Variants in GGT7 observed in about 807,000 individuals in gnomAD.
GGT7 encodes the protein gamma-glutamyltransferase 7, also known as glutathione hydrolase 7.
GGT7 carries 30 observed loss-of-function variants against 69.2 expected under a neutral mutation model. That is an observed-to-expected ratio of 0.43 (90% CI 0.32 to 0.59). The LOEUF (loss-of-function observed/expected upper bound fraction) is 0.59, where lower values mean the gene tolerates loss of function less well. Ranked by LOEUF, GGT7 falls within the 20% of genes least tolerant of loss-of-function variation. The pLI is 0.05. For missense variants in GGT7, 733 were observed against 901.1 expected (o/e 0.81, Z 2.39); for synonymous variants, 388 against 391.8 (o/e 0.99, Z 0.12).
chr20:34,854,965 G>A (rs1466403552), intron 8 of GGT7, 42 bp from the exon 9 acceptor site: 1 of 1,602,908 alleles, frequency 6.2e-7, no homozygotes, highest in South Asian at 1.1e-5. Flanking sequence ...TAGGGGTCAA[G>A]GCACCTTCAC....
At chr20:34,859,772 C>A (rs552536021) in intron 6 of GGT7, 133 bp from the exon 7 acceptor site, 41 of 844,444 alleles carry the variant, frequency 4.9e-5, no homozygotes, top group South Asian at 3.4e-5. Context: ...CTGTTAAGTG[C>A]GAGGCAGGGA....
At chr20:34,845,764 T>C (rs1472127401) in intron 14 of GGT7, among the ~76,000 whole-genome samples, 3 of 152,134 alleles carry the variant, frequency 2.0e-5, no homozygotes, top group South Asian at 4.1e-4. Context: ...ATTCTTAATA[T>C]TGAAAACAGG....
At chr20:34,858,972 A>G (rs559529063) in intron 7 of GGT7, among the ~76,000 whole-genome samples, 1 of 152,310 alleles carries the variant, frequency 6.6e-6, no homozygotes, top group East Asian at 1.9e-4. Context: ...GGAGTTCGAG[A>G]CCAGCCTGGC....
chr20:34,872,452 G>C, intron 1 of GGT7, 195 bp downstream of exon 1: 1 of 427,488 alleles, frequency 2.3e-6, no homozygotes, highest in African/African-American at 2.0e-5. Flanking sequence ...CTCCGTTGTC[G>C]CATCCTACGC....
At chr20:34,848,685 G>A (rs1287340438) in intron 14 of GGT7, among the ~76,000 whole-genome samples, 2 of 152,174 alleles carry the variant, frequency 1.3e-5, no homozygotes, top group African/African-American at 4.8e-5. Flanking sequence ...GTAAAGAATA[G>A]AGTCTTTGGT....
At chr20:34,862,792 C>G (rs778578536) in intron 3 of GGT7, 22 bp downstream of exon 3, 1 of 1,613,392 alleles carries the variant, frequency 6.2e-7, no homozygotes, top group Non-Finnish European at 8.5e-7. Flanking sequence ...CCTGGGGGAC[C>G]CCGACCTCCA....
At chr20:34,847,604 G>C (rs1423497354) in intron 14 of GGT7, among the ~76,000 whole-genome samples, 1 of 152,168 alleles carries the variant, frequency 6.6e-6, no homozygotes, top group Non-Finnish European at 1.5e-5. Flanking sequence ...GTTTCAGTCT[G>C]CTCTCTAACG....
chr20:34,861,485 GC>G lies in GGT7; in HGVS notation c.634del (p.Ala212ProfsTer25). On this transcript the variant is annotated frameshift_variant, in exon 4 of 15. Transcript: ENST00000336431. LOFTEE classifies it high-confidence loss of function. ...LIDFRESAPG[A>X]LREETLQRSW... ...TCTTTGCAGGGTCTCTTCCCTGAGG[GC>G]CCCTGGTGCGGACTCCCGGAAATCA... The G allele has an allele frequency of 2.6e-6, 4 of 1,552,956 alleles. No homozygotes were observed. Among genetic ancestry groups the G allele is most frequent in the South Asian group, 1.2e-5 (1 of 84,384 alleles).
At chr20:34,853,706 G>T (rs1425654027) in intron 10 of GGT7, among the ~76,000 whole-genome samples, 1 of 152,136 alleles carries the variant, frequency 6.6e-6, no homozygotes, top group East Asian at 1.9e-4. Flanking sequence ...TTACATGTAT[G>T]ATTTTGTTTA....
chr20:34,850,812 A>G (rs1415309877), intron 13 of GGT7: 2 of 527,046 alleles, frequency 3.8e-6, no homozygotes, highest in South Asian at 1.4e-5. Flanking sequence ...TGGCATATAT[A>G]TCAGGTTCTC....
chr20:34,869,383 G>C (rs539849100), intron 1 of GGT7, among the ~76,000 whole-genome samples: 112 of 152,078 alleles, frequency 7.4e-4, no homozygotes, highest in African/African-American at 2.6e-3. Context: ...TGTTGCCCCG[G>C]CTGGTTCTGA....
chr20:34,861,409 C>T, intron 4 of GGT7, 36 bp downstream of exon 4: 1 of 1,023,626 alleles, frequency 9.8e-7, no homozygotes. Flanking sequence ...TGAAGAGAGA[C>T]TCCCCTGAAC....
rs141372100 is a variant in GGT7, at chr20:34,859,592, G to T, written c.865C>A (p.Arg289=). 1.2e-6 allele frequency: 2 copies of T among 1,601,384 alleles called. No individual in the cohort carries two copies. Among genetic ancestry groups the T allele is most frequent in the Non-Finnish European group, 1.7e-6 (2 of 1,174,508 alleles). ...CGGCCCGATGGCAGGAACGTCTCCC[G>T]GAAGCGCTCGGACATGTTGGGTGGC... ...QLPPNMSERF[R]ETFLPSGRPP... Residue 289 remains arginine, a synonymous_variant, in exon 7 of 15, where the codon CGG becomes AGG. Coordinates refer to ENST00000336431, the MANE Select transcript of GGT7 (RefSeq NM_178026.3).
intron 1 of GGT7, among the ~76,000 whole-genome samples, chr20:34,868,573 C>T (rs2079730560): frequency 6.6e-6 from 1 of 152,106 alleles, no homozygotes. Context: ...GATACCACTT[C>T]TCATTCAATT....
intron 1 of GGT7, among the ~76,000 whole-genome samples, chr20:34,865,585 T>C (rs2079677217): frequency 6.6e-6 from 1 of 152,234 alleles, no homozygotes; most frequent in Admixed American, 6.5e-5. Flanking sequence ...AGCTCACTAT[T>C]TGCTGGTGGC....
intron 10 of GGT7, among the ~76,000 whole-genome samples, chr20:34,854,268 C>T (rs895688635): frequency 1.3e-5 from 2 of 152,068 alleles, no homozygotes; most frequent in South Asian, 2.1e-4. Flanking sequence ...TTTTCCTACT[C>T]AAAAGGAGGA....
At chr20:34,868,564 A>C (rs1401765832) in intron 1 of GGT7, among the ~76,000 whole-genome samples, 2 of 152,124 alleles carry the variant, frequency 1.3e-5, no homozygotes, top group African/African-American at 4.8e-5. Context: ...ATCTGCTTGG[A>C]TACCACTTCT....
chr20:34,863,517 C>A lies in GGT7; in HGVS notation c.201G>T (p.Leu67=). The A allele has an allele frequency of 6.3e-7, 1 of 1,593,888 alleles. No individual in the cohort carries two copies. Among genetic ancestry groups the A allele is most frequent in the Non-Finnish European group, 8.5e-7 (1 of 1,170,440 alleles). Residue 67 remains leucine (L), a synonymous_variant, in exon 2 of 15, where the codon CTG becomes CTT. Transcript: ENST00000336431. This position sits in a 1 kb window ranked among gnomAD's most constrained non-coding sequence, Gnocchi z 4.4. ...CCGACGACGACGATGGCAGCCGCTG[C>A]AGCCGTGCAGACTTCAGGAAGGAGT... The part of the protein sequence containing the change: ...DPDSFLKSAR[L]QRLPSSSSEM...
At chr20:34,860,088 GAGGA>G in intron 5 of GGT7, 46 bp from the exon 6 acceptor site, 1 of 867,088 alleles carries the variant, frequency 1.2e-6, no homozygotes, top group South Asian at 1.4e-5. Context: ...CTGGGGGAAT[GAGGA>G]GGGGTCCGGG....
Sources: allele counts gnomAD v4.1 joint callset (sites outside exome capture counted in the v4.1 genomes callset), GRCh38; gene constraint gnomAD v4.1.1; non-coding constraint Gnocchi (gnomAD v3.1); transcripts MANE v1.5; gene names NCBI Gene and HGNC (gene_info 2026-07-23, HGNC 2026-07-21).